Variants in ZNF469 observed in about 807,000 individuals in gnomAD.
ZNF469 encodes the protein zinc finger protein 469.
In ZNF469, 1 loss-of-function variant was observed where a neutral mutation model predicts 1.0. That is an observed-to-expected ratio of 1.00 (90% CI 0.35 to 4.73). The LOEUF is 4.73. Among genes scored for constraint, ZNF469 ranks in the 30% most tolerant of loss-of-function variants. The pLI is 0.16. For missense variants in ZNF469, 6,100 were observed against 5,356.3 expected, an observed-to-expected ratio of 1.14 and a Z score of -4.33; for synonymous variants, 2,703 against 2,363.4, an observed-to-expected ratio of 1.14 and a Z score of -4.17.
chr16:88,407,134 G>A (rs1313544355), intron 1 of ZNF469, among the ~76,000 whole-genome samples: 1 of 107,336 alleles, frequency 9.3e-6, no homozygotes, highest in Non-Finnish European at 2.1e-5. Context: ...ACTGAGGTGT[G>A]TGCCCGGCGC....
the ZNF469 span, among the ~76,000 whole-genome samples, chr16:88,244,317 A>G: frequency 6.7e-6 from 1 of 149,828 alleles, no homozygotes; most frequent in African/African-American, 2.5e-5. Flanking sequence ...GGATGGTTGG[A>G]TGGATGGGTG....
At chr16:88,196,219 A>T in the ZNF469 span, among the ~76,000 whole-genome samples, 1 of 152,202 alleles carries the variant, frequency 6.6e-6, no homozygotes, top group Non-Finnish European at 1.5e-5. Context: ...CTGTCGGGAC[A>T]GCATCTACCT....
At chr16:88,426,928 C>A (rs561248926) in intron 2 of ZNF469, among the ~76,000 whole-genome samples, 2 of 152,132 alleles carry the variant, frequency 1.3e-5, no homozygotes, top group African/African-American at 4.8e-5. Flanking sequence ...CCCTCCTGGA[C>A]GCTGCCAGGA....
At chr16:88,120,323 C>T in the ZNF469 span, among the ~76,000 whole-genome samples, 859 of 152,386 alleles carry the variant, frequency 5.6e-3, 5 homozygotes, top group Middle Eastern at 0.017. Flanking sequence ...CCTTCTGCTG[C>T]ATGTGTGTGT....
the ZNF469 span, among the ~76,000 whole-genome samples, chr16:88,374,487 C>T: frequency 7.3e-4 from 111 of 152,254 alleles, no homozygotes; most frequent in African/African-American, 2.4e-3. Context: ...CTGGGGGCCC[C>T]GACAGGGAAA....
At chr16:88,234,765 T>C in the ZNF469 span, 1 of 152,246 alleles carries the variant, frequency 6.6e-6, no homozygotes, top group African/African-American at 2.4e-5. Context: ...CCGCCCGTGT[T>C]TGTCTTTCCC....
the ZNF469 span, among the ~76,000 whole-genome samples, chr16:88,359,570 CT>C: frequency 6.6e-6 from 1 of 152,130 alleles, no homozygotes; most frequent in Non-Finnish European, 1.5e-5. Flanking sequence ...TCGGGATAGC[CT>C]TTTTTTGTGA....
At chr16:88,208,109 T>A in the ZNF469 span, among the ~76,000 whole-genome samples, 1 of 152,136 alleles carries the variant, frequency 6.6e-6, no homozygotes, top group African/African-American at 2.4e-5. Flanking sequence ...CGTGGCTTTT[T>A]AAAGATTTAA....
upstream of ZNF469, among the ~76,000 whole-genome samples, chr16:88,381,795 T>C (rs556994339): frequency 6.6e-6 from 1 of 152,368 alleles, no homozygotes; most frequent in Non-Finnish European, 1.5e-5. Context: ...CACTGCCATG[T>C]GCAGTTCCTT....
chr16:88,167,883 A>G, the ZNF469 span, among the ~76,000 whole-genome samples: 1 of 152,202 alleles, frequency 6.6e-6, no homozygotes, highest in East Asian at 1.9e-4. Context: ...AATGAGAATA[A>G]TGTTGGCTTC....
chr16:88,433,768 G>T lies in ZNF469; in HGVS notation c.6298G>T (p.Gly2100Trp). ...CCTGAACAAGCCACTGCTGGCCACA[G>T]GGGATAGCCCAGCACCCTCTGTCGG... ...PGLNKPLLATGDSPAPSVGDL... is the reference protein window; with the variant it reads ...PGLNKPLLATWDSPAPSVGDL... The change falls in exon 3 of 3, where the codon GGG becomes TGG. Residue 2100 changes from glycine to tryptophan, a missense_variant. By Grantham distance (184) the Gly-to-Trp change is radical (BLOSUM62 -2). Transcript: ENST00000565624. 4 of 1,549,508 alleles carry T rather than the reference G, an allele frequency of 2.6e-6. No homozygotes were observed. The highest frequency in any genetic ancestry group is 3.5e-6 in the Non-Finnish European group (4 of 1,146,872).
the ZNF469 span, among the ~76,000 whole-genome samples, chr16:88,366,812 C>G: frequency 6.6e-6 from 1 of 151,710 alleles, no homozygotes; most frequent in Non-Finnish European, 1.5e-5. Flanking sequence ...TTACTGTCAT[C>G]ACCACCACCA....
At position 88,430,084 on chromosome 16, in the gene ZNF469, G is replaced by A. The variant is rs1440209449; in HGVS notation, c.2614G>A (p.Glu872Lys). 5 of 1,550,196 alleles carry A rather than the reference G, an allele frequency of 3.2e-6. No homozygotes were observed. Among genetic ancestry groups the A allele is most frequent in the Middle Eastern group, 1.7e-4 (1 of 5,992 alleles). Residue 872 changes from glutamate (E) to lysine (K), a missense_variant, in exon 3 of 3, where the codon GAG becomes AAG. Coordinates refer to ENST00000565624, the MANE Select transcript of ZNF469 (RefSeq NM_001367624.2). ...SSFIDVFADE[E>K]PSGPRGPSSG... Reference sequence around the variant, plus strand: ...CTTCATCGACGTCTTCGCGGACGAGGAGCCTTCCGGCCCCAGAGGTCCCAG... The same window carrying A: ...CTTCATCGACGTCTTCGCGGACGAGAAGCCTTCCGGCCCCAGAGGTCCCAG...
the ZNF469 span, among the ~76,000 whole-genome samples, chr16:88,133,434 C>T: frequency 2.0e-5 from 3 of 152,240 alleles, no homozygotes; most frequent in Non-Finnish European, 4.4e-5. Flanking sequence ...GCAGCTCACA[C>T]AGATGGTGGG....
chr16:88,365,684 G>GA, the ZNF469 span, among the ~76,000 whole-genome samples: 13 of 152,344 alleles, frequency 8.5e-5, no homozygotes, highest in East Asian at 2.5e-3. Flanking sequence ...TCCTGACCAG[G>GA]AGCGGGTCCA....
At chr16:88,363,441 G>A in the ZNF469 span, among the ~76,000 whole-genome samples, 1 of 152,246 alleles carries the variant, frequency 6.6e-6, no homozygotes, top group Non-Finnish European at 1.5e-5. Flanking sequence ...TGTTGTGGAT[G>A]ACAGCTCAAA....
At chr16:88,408,927 A>G (rs1905078008) in intron 1 of ZNF469, among the ~76,000 whole-genome samples, 1 of 152,198 alleles carries the variant, frequency 6.6e-6, no homozygotes, top group Non-Finnish European at 1.5e-5. Flanking sequence ...GGAAGCGGGG[A>G]GGGAGGGGCT....
chr16:88,297,264 A>G, the ZNF469 span, among the ~76,000 whole-genome samples: 1 of 152,168 alleles, frequency 6.6e-6, no homozygotes, highest in Non-Finnish European at 1.5e-5. Context: ...TACAAAGCTA[A>G]TGGCGGGGGG....
chr16:88,198,528 C>T, the ZNF469 span, among the ~76,000 whole-genome samples: 5 of 152,232 alleles, frequency 3.3e-5, no homozygotes, highest in African/African-American at 1.2e-4. Flanking sequence ...AGCTAAGGAG[C>T]TGAATTTTAA....
Sources: allele counts gnomAD v4.1 joint callset (sites outside exome capture counted in the v4.1 genomes callset), GRCh38; gene constraint gnomAD v4.1.1; transcripts MANE v1.5; gene names NCBI Gene and HGNC (gene_info 2026-07-23, HGNC 2026-07-21).